Variants in DLAT observed in about 807,000 individuals in gnomAD.
DLAT encodes the protein dihydrolipoyllysine-residue acetyltransferase component of pyruvate dehydrogenase complex, mitochondrial.
Under a neutral mutation model 68.0 loss-of-function variants are expected in DLAT, and 43 were observed. The ratio of observed to expected loss-of-function variants is 0.63; its 90% CI spans 0.50 to 0.81. DLAT has a LOEUF of 0.81. DLAT is among the 40% of genes least tolerant of loss of function. The pLI is 0.00. For synonymous variants in DLAT, 265 were observed against 288.6 expected (o/e 0.92, Z 0.83); for missense variants, 745 against 815.4 (o/e 0.91, Z 1.05).
chr11:112,026,357 G>A lies in DLAT; in HGVS notation c.381+58G>A, dbSNP rs1451920975. 33 of 1,011,794 alleles carry A rather than the reference G, an allele frequency of 3.3e-5. No homozygotes were observed. The African/African-American group carries it at 5.2e-4, about 16-fold the overall frequency. The allele number at this position is 1,011,794 out of a possible 1,614,324, so 62.7% of individuals were successfully genotyped here. On this transcript the variant is annotated intron_variant, in intron 2 of 13. Transcript: ENST00000280346. ...TTTATTTTTTTTATTGATCATTCTT[G>A]GGTGTTTCTCGCAGAGGGGGATTTG...
In DLAT at chr11:112,051,865, G is replaced by A. The variant is rs1394457675; in HGVS notation, c.1514+516G>A. Among the ~76,000 whole-genome samples the A allele has an allele frequency of 1.3e-5, 2 of 152,104 alleles. No homozygotes were observed. The highest frequency in any genetic ancestry group is 1.9e-4 in the East Asian group (1 of 5,194). On this transcript the variant is annotated intron_variant, in intron 11 of 13. Transcript: ENST00000280346. This position sits in a 1 kb window ranked among gnomAD's most constrained non-coding sequence, Gnocchi z 4.3. Reference sequence around the variant, plus strand: ...TGATTTTCATTCTCCTGAACTTTACGGGCAAAATTAGAACAGTAATTGTTA... The same window carrying A: ...TGATTTTCATTCTCCTGAACTTTACAGGCAAAATTAGAACAGTAATTGTTA...
chr11:112,049,572 AT>A (rs60794678), intron 10 of DLAT, among the ~76,000 whole-genome samples: 3,883 of 142,490 alleles, frequency 0.027, 131 homozygotes, highest in African/African-American at 0.078. Flanking sequence ...GGTATGATTG[AT>A]TTTTTTTTTT....
In DLAT at chr11:112,037,375, A is replaced by G. The variant is rs935735398; in HGVS notation, c.890A>G (p.Glu297Gly). The G allele has an allele frequency of 6.2e-7, 1 of 1,614,230 alleles. No homozygotes were observed. Among genetic ancestry groups the G allele is most frequent in the Non-Finnish European group, 8.5e-7 (1 of 1,180,030 alleles). Residue 297 changes from glutamate to glycine, a missense_variant, in exon 6 of 14, where the codon GAG becomes GGG. By Grantham distance (98) the Glu-to-Gly change is moderately conservative. Coordinates refer to ENST00000280346, the MANE Select transcript of DLAT (RefSeq NM_001931.5). ...CCACTCTGTATCATTGTAGAAAAAG[A>G]GGCAGATATATCAGCATTTGCTGAC... ...GTPLCIIVEK[E>G]ADISAFADYR... is the part of the protein sequence containing the mutation.
In DLAT at chr11:112,033,437, A is replaced by G; in HGVS notation, c.694A>G (p.Met232Val). 1 of 1,613,942 alleles carries G rather than the reference A, an allele frequency of 6.2e-7. No individual in the cohort carries two copies. Among genetic ancestry groups the G allele is most frequent in the Non-Finnish European group, 8.5e-7 (1 of 1,179,908 alleles). ...LLPALSPTMTMGTVQRWEKKV... is the reference protein window; with the variant it reads ...LLPALSPTMTVGTVQRWEKKV... The stretch of plus-strand genomic sequence containing the variant: ...TCCTGCCCTCTCTCCCACCATGACC[A>G]TGGGCACAGTTCAGAGATGGGAAAA... Residue 232 changes from methionine to valine, a missense_variant, in exon 5 of 14, where the codon ATG becomes GTG. By Grantham distance (21) the Met-to-Val change is conservative. Transcript: ENST00000280346.
intron 7 of DLAT, among the ~76,000 whole-genome samples, chr11:112,040,523 T>C (rs920856690): frequency 2.6e-5 from 4 of 152,168 alleles, no homozygotes; most frequent in Non-Finnish European, 2.9e-5. Flanking sequence ...AAAAATATGC[T>C]TATTTCCCCA....
intron 10 of DLAT, among the ~76,000 whole-genome samples, chr11:112,048,576 C>G (rs1863447481): frequency 1.3e-5 from 2 of 152,306 alleles, no homozygotes; most frequent in South Asian, 4.1e-4. Context: ...CTCTGTTGCC[C>G]AGACTGGGGT....
chr11:112,064,021 CAG>C lies in DLAT; in HGVS notation c.*1488_*1489del. ...CAAGTGACACTCCATATATTCCACA[CAG>C]ACTTTTACCTTGCTGTATTATTATG... On this transcript the variant is annotated 3_prime_UTR_variant, in exon 14 of 14. Coordinates refer to ENST00000280346, the MANE Select transcript of DLAT (RefSeq NM_001931.5). The C allele has an allele frequency of 1.5e-6, 1 of 677,544 alleles. No individual in the cohort carries two copies. Among genetic ancestry groups the C allele is most frequent in the South Asian group, 2.3e-5 (1 of 44,256 alleles). The allele number at this position is 677,544 out of a possible 1,614,324, so 42.0% of individuals were successfully genotyped here.
chr11:112,057,454 A>G (rs782695238), intron 11 of DLAT, among the ~76,000 whole-genome samples: 10 of 152,246 alleles, frequency 6.6e-5, no homozygotes, highest in Non-Finnish European at 1.3e-4. Flanking sequence ...ACAAAGAAAA[A>G]GCTCTTGAAA....
intron 4 of DLAT, chr11:112,029,742 A>G: frequency 2.5e-6 from 1 of 400,606 alleles, no homozygotes; most frequent in Non-Finnish European, 4.8e-6. Flanking sequence ...ATGGGGCAGC[A>G]GCAGGCAGGG....
intron 8 of DLAT, 72 bp from the exon 9 acceptor site, chr11:112,045,066 T>A (rs1387914139): frequency 1.1e-5 from 13 of 1,148,370 alleles, no homozygotes; most frequent in Non-Finnish European, 1.2e-5. Flanking sequence ...GCATAGTCAC[T>A]GGCAGTCTTT....
At chr11:112,056,686 T>G (rs587610657) in intron 11 of DLAT, among the ~76,000 whole-genome samples, 1 of 152,342 alleles carries the variant, frequency 6.6e-6, no homozygotes, top group South Asian at 2.1e-4. Context: ...TTCAGTAGAT[T>G]CCTAGGAGTG....
chr11:112,056,524 TTC>T (rs1864096442), intron 11 of DLAT, among the ~76,000 whole-genome samples: 1 of 152,248 alleles, frequency 6.6e-6, no homozygotes, highest in South Asian at 2.1e-4. Flanking sequence ...CTGTAGTTTA[TTC>T]TTTTTTATTG....
intron 5 of DLAT, among the ~76,000 whole-genome samples, chr11:112,035,675 A>C (rs1377838891): frequency 1.3e-5 from 2 of 151,484 alleles, no homozygotes; most frequent in Non-Finnish European, 2.9e-5. Flanking sequence ...TTTTAGTAGA[A>C]ATGTGGTTTC....
chr11:112,034,446 ATTT>A (rs1178144652), intron 5 of DLAT, among the ~76,000 whole-genome samples: 1 of 144,312 alleles, frequency 6.9e-6, no homozygotes. Context: ...TATTATTATT[ATTT>A]TTTTTTTTTT....
At chr11:112,029,938 T>G (rs1274696976) in intron 4 of DLAT, 28 of 824,432 alleles carry the variant, frequency 3.4e-5, no homozygotes, top group Admixed American at 2.9e-4. Context: ...CCATCAGTGA[T>G]TTTTCCAAAC....
chr11:112,052,990 G>A (rs115465384), intron 11 of DLAT, among the ~76,000 whole-genome samples: 1,578 of 152,138 alleles, frequency 0.01, 24 homozygotes, highest in African/African-American at 0.035. Flanking sequence ...CTGGCAACAT[G>A]GGGACAAAGA....
Position 112,061,109 on chromosome 11 carries a change from T to G in DLAT, c.1749T>G (p.Pro583=), listed in dbSNP as rs1555183221. Residue 583 remains proline (P), a synonymous_variant, in exon 13 of 14, where the codon CCT becomes CCG. Transcript: ENST00000280346. ...IKNFSAIINP[P]QACILAIGAS... is the part of the protein sequence containing the mutation. ...ATTTCTCTGCTATTATTAACCCACC[T>G]CAAGCATGTATTTTGGCAATTGGTG... is the stretch of plus-strand genomic sequence containing the variant. The G allele has an allele frequency of 2.5e-6, 4 of 1,613,988 alleles. No individual in the cohort carries two copies. The highest frequency in any genetic ancestry group is 3.4e-6 in the Non-Finnish European group (4 of 1,179,972).
rs1167345612 is a variant in DLAT, at chr11:112,036,201, G to GTT, written c.788-1044_788-1043dup. On this transcript the variant is annotated intron_variant, in intron 5 of 13. Transcript: ENST00000280346. Reference sequence around the variant, plus strand: ...TGTGTGTGTGTGTGTGTGTGTGTGTGTTTTTTTTTTTTTTTTTTTTTTTTT... The same window carrying GTT: ...TGTGTGTGTGTGTGTGTGTGTGTGTGTTTTTTTTTTTTTTTTTTTTTTTTTTT... Among the ~76,000 whole-genome samples, 260 of 36,508 alleles carry GTT rather than the reference G, an allele frequency of 7.1e-3. 37 individuals carry two copies. Among genetic ancestry groups the GTT allele is most frequent in the East Asian group, 0.024 (26 of 1,072 alleles). 24.0% of individuals were successfully genotyped at this position (36,508 alleles called of 152,430 possible).
At chr11:112,058,606 G>T in intron 11 of DLAT, among the ~76,000 whole-genome samples, 1 of 133,190 alleles carries the variant, frequency 7.5e-6, no homozygotes, top group Non-Finnish European at 1.6e-5. Context: ...ACTTCAGTTG[G>T]GGTGGGGGAA....
Sources: gnomAD v4.1 joint callset for allele counts (sites outside exome capture counted in the v4.1 genomes callset) on GRCh38, gnomAD v4.1.1 for gene constraint, Gnocchi (gnomAD v3.1) non-coding constraint, MANE v1.5 for transcripts, NCBI Gene and HGNC (gene_info 2026-07-23, HGNC 2026-07-21) for gene names.